Variants in ZNF528 observed in about 807,000 individuals in gnomAD.
The protein encoded by ZNF528 is zinc finger protein 528.
ZNF528 carries 9 observed loss-of-function variants against 13.3 expected under a neutral mutation model. The ratio of observed to expected loss-of-function variants is 0.67; its 90% CI spans 0.41 to 1.18. ZNF528 has a LOEUF of 1.18. Among genes scored for constraint, ZNF528 ranks in the 50% most tolerant of loss-of-function variants. The pLI is 0.01. For missense variants in ZNF528, 858 were observed against 745.4 expected (o/e 1.15, Z -1.76); for synonymous variants, 264 against 254.3 (o/e 1.04, Z -0.36).
chr19:52,399,924 G>T (rs1244929150), intron 2 of ZNF528, among the ~76,000 whole-genome samples: 1 of 152,150 alleles, frequency 6.6e-6, no homozygotes, highest in African/African-American at 2.4e-5. Context: ...ATCACTAAAG[G>T]TGAGGGATTC....
In ZNF528 at chr19:52,415,221, T is replaced by G. The variant is rs1007333147; in HGVS notation, c.369T>G (p.Phe123Leu). ...TACATCTGAGTGATCTACAGCTATT[T>G]CAAGCTGAAAGGAAAATTTCTGGGT... The part of the protein sequence containing the change: ...FQLHLSDLQL[F>L]QAERKISGCK... Residue 123 changes from phenylalanine to leucine, a missense_variant, in exon 7 of 7, where the codon TTT becomes TTG. By Grantham distance (22) the Phe-to-Leu change is conservative. Transcript: ENST00000360465. The G allele has an allele frequency of 6.2e-7, 1 of 1,614,008 alleles. No individual in the cohort carries two copies. The highest frequency in any genetic ancestry group is 8.5e-7 in the Non-Finnish European group (1 of 1,180,038).
rs748278352 is a variant in ZNF528, at chr19:52,415,909, T to TA, written c.1058dup (p.Tyr353Ter). 6.8e-6 allele frequency: 11 copies of TA among 1,614,040 alleles called. No individual in the cohort carries two copies. The African/African-American group carries it at 9.3e-5, about 14-fold the overall frequency. The change falls in exon 7 of 7, where the codon TAC (tyrosine) becomes TAAC (stop). Residue 353 changes from tyrosine (Y) to a stop codon, truncating the protein, a stop_gained and frameshift_variant. Coordinates refer to ENST00000360465, the MANE Select transcript of ZNF528 (RefSeq NM_032423.3). LOFTEE classifies it low-confidence loss of function (END_TRUNC). ...AACGGTTCATACTGGTGAGAAACCT[T>TA]ACAAATGTGAAGAATGTGGCAAAGC... ...HQTVHTGEKP[Y>*]KCEECGKAFS...
intron 4 of ZNF528, among the ~76,000 whole-genome samples, chr19:52,403,183 T>TA: frequency 6.6e-6 from 1 of 152,294 alleles, no homozygotes; most frequent in East Asian, 1.9e-4. Flanking sequence ...AAATAGTACT[T>TA]ACAGGTAGGC....
chr19:52,414,950 C>T (rs967590701), intron 6 of ZNF528, 174 bp from the exon 7 acceptor site: 4 of 1,529,400 alleles, frequency 2.6e-6, no homozygotes, highest in Admixed American at 2.0e-5. Context: ...TTCCCCACTG[C>T]TCCAATGCAT....
rs1451118775 is a variant in ZNF528, at chr19:52,398,551, G to A, written c.-205G>A. On this transcript the variant is annotated 5_prime_UTR_variant, in exon 2 of 7. Coordinates refer to ENST00000360465, the MANE Select transcript of ZNF528 (RefSeq NM_032423.3). ...GAGAAAAAGAGATGGGAACGAGGCA[G>A]AGGAAATAGAGAAATTTTGAAAGAG... The A allele has an allele frequency of 3.0e-6, 3 of 984,892 alleles. No homozygotes were observed. Among genetic ancestry groups the A allele is most frequent in the Non-Finnish European group, 3.6e-6 (3 of 829,576 alleles). The allele number at this position is 984,892 out of a possible 1,614,324, so 61.0% of individuals were successfully genotyped here.
chr19:52,398,136 G>C (rs2058751575), intron 1 of ZNF528: 1 of 152,068 alleles, frequency 6.6e-6, no homozygotes, highest in South Asian at 2.1e-4. Flanking sequence ...ACCTCCTATC[G>C]TGGGGTTTAC....
intron 6 of ZNF528, among the ~76,000 whole-genome samples, chr19:52,409,991 AG>A (rs1319883055): frequency 2.8e-4 from 42 of 152,324 alleles, no homozygotes; most frequent in South Asian, 1.0e-3. Flanking sequence ...CTGGGATTAT[AG>A]GCATGAGCCA....
At chr19:52,399,111 G>A (rs1020806784) in intron 2 of ZNF528, among the ~76,000 whole-genome samples, 2 of 151,386 alleles carry the variant, frequency 1.3e-5, no homozygotes, top group Non-Finnish European at 2.9e-5. Context: ...AAAGAGAAGA[G>A]GAGGGACTCA....
In ZNF528 at chr19:52,415,969, T is replaced by C; in HGVS notation, c.1117T>C (p.Leu373=). 1.2e-6 allele frequency: 2 copies of C among 1,613,342 alleles called. No homozygotes were observed. The highest frequency in any genetic ancestry group is 1.3e-5 in the African/African-American group (1 of 74,814). The change falls in exon 7 of 7, where the codon TTA becomes CTA. Residue 373 remains leucine (L), a synonymous_variant. Transcript: ENST00000360465. ...GCGTTCCAGCCTCATAACCCATCAG[T>C]TAATTCACACTGGAAGGAAACCTTA... ...SVRSSLITHQ[L]IHTGRKPYKC... is the part of the protein sequence containing the mutation.
At chr19:52,410,148 A>G (rs2122563341) in intron 6 of ZNF528, among the ~76,000 whole-genome samples, 1 of 152,344 alleles carries the variant, frequency 6.6e-6, no homozygotes, top group Non-Finnish European at 1.5e-5. Context: ...GACCTTTACA[A>G]ATCAACCTGT....
Position 52,415,581 on chromosome 19 carries a change from T to G in ZNF528, c.729T>G (p.Cys243Trp). The G allele has an allele frequency of 6.2e-7, 1 of 1,614,144 alleles. No homozygotes were observed. The highest frequency in any genetic ancestry group is 8.5e-7 in the Non-Finnish European group (1 of 1,180,010). The change falls in exon 7 of 7, where the codon TGT (cysteine) becomes TGG (tryptophan). Residue 243 changes from cysteine (C) to tryptophan (W), a missense_variant. Transcript: ENST00000360465. ...ATACTGGAGAGAAGCCTTACAAATG[T>G]CATGAATGTGGCAAGCTCTTCAGTA... is the stretch of plus-strand genomic sequence containing the variant. ...RMHTGEKPYK[C>W]HECGKLFSSN...
Position 52,416,861 on chromosome 19 carries a change from G to C in ZNF528, c.*122G>C, listed in dbSNP as rs2059011743. ...TGTATGTGACACAGGCTTTATCAAG[G>C]CCTGCCAAATCACTGGACATCACCA... On this transcript the variant is annotated 3_prime_UTR_variant, in exon 7 of 7. Transcript: ENST00000360465. 3.8e-6 allele frequency: 4 copies of C among 1,044,258 alleles called. No individual in the cohort carries two copies. The highest frequency in any genetic ancestry group is 2.9e-5 in the Admixed American group (1 of 34,426). The allele number at this position is 1,044,258 out of a possible 1,614,324, so 64.7% of individuals were successfully genotyped here. A position where few individuals can be genotyped will look rare whatever the true frequency, so the allele number is the denominator to read the frequency against.
At position 52,415,329 on chromosome 19, in the gene ZNF528, T is replaced by C; in HGVS notation, c.477T>C (p.Leu159=). Reference sequence around the variant, plus strand: ...TTTCTTCCAGTGTCAAATCCCACCTTTTAAATAAATATAGAAATAATTTTG... The same window carrying C: ...TTTCTTCCAGTGTCAAATCCCACCTCTTAAATAAATATAGAAATAATTTTG... The part of the protein sequence containing the change: ...EKISSSVKSH[L]LNKYRNNFDH... Residue 159 remains leucine (L), a synonymous_variant, in exon 7 of 7, where the codon CTT becomes CTC. Coordinates refer to ENST00000360465, the MANE Select transcript of ZNF528 (RefSeq NM_032423.3). 6.2e-7 allele frequency: 1 copy of C among 1,611,926 alleles called. No homozygotes were observed. The highest frequency in any genetic ancestry group is 8.5e-7 in the Non-Finnish European group (1 of 1,179,418).
intron 6 of ZNF528, chr19:52,414,421 T>A: frequency 1.5e-6 from 1 of 651,530 alleles, no homozygotes; most frequent in Middle Eastern, 3.1e-4. Context: ...ACAAGGGCCC[T>A]GAGCTTTAGA....
chr19:52,398,446 C>A lies in ZNF528; in HGVS notation c.-310C>A. 7.5e-6 allele frequency: 3 copies of A among 398,098 alleles called. No homozygotes were observed. The highest frequency in any genetic ancestry group is 1.0e-5 in the Non-Finnish European group (3 of 293,000). The allele number at this position is 398,098 out of a possible 1,614,324, so 24.7% of individuals were successfully genotyped here. The stretch of plus-strand genomic sequence containing the variant: ...AGTCTCCTGACATCCAGTGTTCTCT[C>A]GAGCCAGTTTCCAGCCCACAGAAAA... On this transcript the variant is annotated 5_prime_UTR_variant, in exon 2 of 7. Transcript: ENST00000360465.
intron 4 of ZNF528, chr19:52,402,648 C>T (rs1032961951): frequency 6.6e-6 from 1 of 152,610 alleles, no homozygotes. Flanking sequence ...GTGATCTGGC[C>T]ACCTCGGCCT....
At chr19:52,407,149 T>C (rs1157795610) in intron 6 of ZNF528, among the ~76,000 whole-genome samples, 3 of 151,066 alleles carry the variant, frequency 2.0e-5, no homozygotes, top group African/African-American at 7.3e-5. Flanking sequence ...TTTCACCATG[T>C]TACACAGGCT....
chr19:52,402,719 A>C (rs2058809726), intron 4 of ZNF528, among the ~76,000 whole-genome samples: 1 of 152,152 alleles, frequency 6.6e-6, no homozygotes, highest in Non-Finnish European at 1.5e-5. Context: ...ATGATTTCTT[A>C]AGGTATAGGG....
At chr19:52,407,173 T>A (rs1279436706) in intron 6 of ZNF528, among the ~76,000 whole-genome samples, 1 of 134,356 alleles carries the variant, frequency 7.4e-6, no homozygotes, top group Non-Finnish European at 1.6e-5. Context: ...GTTGAACTCC[T>A]GGGCACCCAG....
Sources: allele counts gnomAD v4.1 joint callset (sites outside exome capture counted in the v4.1 genomes callset), GRCh38; gene constraint gnomAD v4.1.1; transcripts MANE v1.5; gene names NCBI Gene and HGNC (gene_info 2026-07-23, HGNC 2026-07-21).